Variants in FLI1 observed in about 807,000 individuals in gnomAD.
The protein encoded by FLI1 is Fli-1 proto-oncogene, ETS transcription factor.
FLI1 carries 13 observed loss-of-function variants against 53.1 expected under a neutral mutation model. The ratio of observed to expected loss-of-function variants is 0.24; its 90% CI spans 0.16 to 0.39. The LOEUF (loss-of-function observed/expected upper bound fraction) is 0.39, where lower values mean the gene tolerates loss of function less well. Among genes scored for constraint, FLI1 ranks in the 10% least tolerant of loss-of-function variants. The pLI, the probability that FLI1 is intolerant of heterozygous loss-of-function variation, is 1.00. For missense variants in FLI1, 424 were observed against 600.5 expected (o/e 0.71, Z 3.07); for synonymous variants, 244 against 236.7 (o/e 1.03, Z -0.28).
At chr11:128,775,798 A>C (rs1214858699) in intron 4 of FLI1, among the ~76,000 whole-genome samples, 1 of 152,030 alleles carries the variant, frequency 6.6e-6, no homozygotes, top group Admixed American at 6.6e-5. Flanking sequence ...TTCATTGGAG[A>C]GGAAGGTGGG....
intron 1 of FLI1, among the ~76,000 whole-genome samples, chr11:128,722,699 G>A (rs1416989798): frequency 6.6e-6 from 1 of 152,226 alleles, no homozygotes; most frequent in African/African-American, 2.4e-5. Context: ...AATATTGCTA[G>A]ATCAGGAGCT....
chr11:128,725,740 A>G (rs1939448885), intron 1 of FLI1, among the ~76,000 whole-genome samples: 1 of 151,572 alleles, frequency 6.6e-6, no homozygotes, highest in Admixed American at 6.6e-5. Flanking sequence ...GCAGCTGCAA[A>G]CTTATGAAGG....
intron 5 of FLI1, among the ~76,000 whole-genome samples, chr11:128,785,000 G>T (rs1411986627): frequency 6.6e-6 from 1 of 152,192 alleles, no homozygotes. Flanking sequence ...AATTAGAATG[G>T]CTTTTTGCTT....
chr11:128,693,632 C>T (rs1937857263), upstream of FLI1: 1 of 226,578 alleles, frequency 4.4e-6, no homozygotes, highest in Non-Finnish European at 8.8e-6. Context: ...CCAACCGCCT[C>T]AGGAAAAGCA....
intron 4 of FLI1, among the ~76,000 whole-genome samples, chr11:128,773,530 T>C (rs768081228): frequency 1.6e-4 from 24 of 151,528 alleles, no homozygotes; most frequent in Middle Eastern, 3.4e-3. Context: ...TAGGATCCAT[T>C]GGAGGCTTTC....
At chr11:128,690,911 C>G (rs1002083793), upstream of FLI1, among the ~76,000 whole-genome samples, 1 of 152,172 alleles carries the variant, frequency 6.6e-6, no homozygotes, top group Non-Finnish European at 1.5e-5. Flanking sequence ...GCAGCTCTGC[C>G]CAGTCTGGGA....
At chr11:128,725,908 G>A (rs569631929) in intron 1 of FLI1, among the ~76,000 whole-genome samples, 1 of 152,306 alleles carries the variant, frequency 6.6e-6, no homozygotes, top group African/African-American at 2.4e-5. Flanking sequence ...GAATTCAAAT[G>A]TGTCCTGGGC....
At chr11:128,724,012 G>T (rs945326971) in intron 1 of FLI1, among the ~76,000 whole-genome samples, 12 of 143,280 alleles carry the variant, frequency 8.4e-5, no homozygotes, top group South Asian at 6.7e-4. Flanking sequence ...GCGCCATCTG[G>T]GCTCACTGTA....
intron 5 of FLI1, among the ~76,000 whole-genome samples, chr11:128,792,343 A>G (rs184579590): frequency 3.3e-5 from 5 of 152,334 alleles, no homozygotes; most frequent in Non-Finnish European, 5.9e-5. Context: ...GACTCCTGCT[A>G]CCATCTAAAA....
At chr11:128,774,342 T>A (rs76018404) in intron 4 of FLI1, among the ~76,000 whole-genome samples, 2,543 of 152,334 alleles carry the variant, frequency 0.017, 29 homozygotes, top group Middle Eastern at 0.031. Context: ...TGAGTCTTGC[T>A]GCAACATGAG....
chr11:128,715,720 C>T, intron 1 of FLI1, among the ~76,000 whole-genome samples: 1 of 152,086 alleles, frequency 6.6e-6, no homozygotes, highest in East Asian at 1.9e-4. Flanking sequence ...TGAATTCCAC[C>T]CGTAAAGGTC....
At chr11:128,720,303 G>C (rs1591751738) in intron 1 of FLI1, among the ~76,000 whole-genome samples, 2 of 152,296 alleles carry the variant, frequency 1.3e-5, no homozygotes, top group South Asian at 4.2e-4. Flanking sequence ...CTGGGCTCTG[G>C]AATAGTATAT....
chr11:128,704,865 T>C (rs1938485704), intron 1 of FLI1, among the ~76,000 whole-genome samples: 1 of 152,188 alleles, frequency 6.6e-6, no homozygotes, highest in African/African-American at 2.4e-5. Flanking sequence ...AGAACAATCA[T>C]AGTTATAAAG....
chr11:128,768,440 G>C, intron 3 of FLI1, 168 bp downstream of exon 3: 2 of 728,742 alleles, frequency 2.7e-6, no homozygotes, highest in Non-Finnish European at 4.6e-6. Flanking sequence ...CCAGCACTTT[G>C]AGAGGCCAAG....
At chr11:128,804,069 G>A (rs1259604021) in intron 5 of FLI1, 1 of 152,178 alleles carries the variant, frequency 6.6e-6, no homozygotes, top group Non-Finnish European at 1.5e-5. Flanking sequence ...AAAACTGAAC[G>A]GGCTTTTCCA....
intron 1 of FLI1, among the ~76,000 whole-genome samples, chr11:128,708,720 G>T (rs1938660466): frequency 6.6e-6 from 1 of 152,140 alleles, no homozygotes; most frequent in South Asian, 2.1e-4. Context: ...CTACTGGGTG[G>T]CTCATTGGAT....
chr11:128,768,513 T>C (rs554076878), intron 3 of FLI1: 2 of 366,874 alleles, frequency 5.5e-6, no homozygotes, highest in South Asian at 2.9e-5. Context: ...ACCTCATCTC[T>C]ACTAAAAAAA....
intron 5 of FLI1, among the ~76,000 whole-genome samples, chr11:128,784,285 C>T (rs1362530294): frequency 1.5e-5 from 2 of 137,628 alleles, no homozygotes; most frequent in Non-Finnish European, 3.1e-5. Context: ...TCTTATTGTT[C>T]AGCCGTGTCC....
At chr11:128,795,841 C>A (rs1162314097) in intron 5 of FLI1, among the ~76,000 whole-genome samples, 1 of 152,208 alleles carries the variant, frequency 6.6e-6, no homozygotes, top group African/African-American at 2.4e-5. Context: ...TGAGCCACTG[C>A]GCCCAGCCCT....
Sources: gnomAD v4.1 joint callset for allele counts (sites outside exome capture counted in the v4.1 genomes callset) on GRCh38, gnomAD v4.1.1 for gene constraint, MANE v1.5 for transcripts, NCBI Gene and HGNC (gene_info 2026-07-23, HGNC 2026-07-21) for gene names.